Variants in FTSJ3 observed in about 807,000 individuals in gnomAD.
FTSJ3 encodes FtsJ RNA 2'-O-methyltransferase 3, also known as pre-rRNA 2'-O-ribose RNA methyltransferase FTSJ3.
FTSJ3 carries 46 observed loss-of-function variants against 111.5 expected under a neutral mutation model. The ratio of observed to expected loss-of-function variants is 0.41; its 90% CI spans 0.33 to 0.53. The LOEUF (loss-of-function observed/expected upper bound fraction) is 0.53. Ranked by LOEUF, FTSJ3 falls within the 20% of genes least tolerant of loss-of-function variation. The pLI is 0.19. For synonymous variants in FTSJ3, 408 were observed against 383.0 expected (o/e 1.07, Z -0.76); for missense variants, 1,075 against 1,063.8 (o/e 1.01, Z -0.15).
At chr17:63,823,769 A>G (rs2040071545) in intron 13 of FTSJ3, 48 bp downstream of exon 13, 2 of 1,597,374 alleles carry the variant, frequency 1.3e-6, no homozygotes, top group African/African-American at 2.7e-5. Flanking sequence ...CCAAACACCC[A>G]AACAGATCCT....
chr17:63,823,759 C>G, intron 13 of FTSJ3, 58 bp downstream of exon 13: 1 of 1,577,884 alleles, frequency 6.3e-7, no homozygotes, highest in Admixed American at 1.8e-5. Context: ...CCCCCCACCT[C>G]CAAACACCCA....
rs2040054117 is a variant in FTSJ3, at chr17:63,821,760, ACTGCCT to A, written c.1553_1558del (p.Lys518_Val520delinsIle). On this transcript the variant is annotated inframe_deletion, in exon 15 of 21. Transcript: ENST00000427159. ...CAGGTTGGCTTGTTCTTCCTGCAGT[ACTGCCT>A]TTTCCTCCAGTGGTACCAGCAGTGG... The A allele has an allele frequency of 6.2e-7, 1 of 1,613,982 alleles. No homozygotes were observed. The highest frequency in any genetic ancestry group is 1.3e-5 in the African/African-American group (1 of 74,892).
intron 19 of FTSJ3, 34 bp from the exon 20 acceptor site, chr17:63,820,207 A>ACCCCCCCCCCCCCCCCC: frequency 3.2e-6 from 1 of 310,964 alleles, no homozygotes; most frequent in South Asian, 2.9e-5. Context: ...CCTCTTCCCC[A>ACCCCCCCCCCCCCCCCC]TCCCCCCACC....
intron 5 of FTSJ3, 98 bp downstream of exon 5, chr17:63,825,958 C>CTT: frequency 9.9e-7 from 1 of 1,011,960 alleles, no homozygotes; most frequent in South Asian, 1.5e-5. Context: ...CAAGAACGTG[C>CTT]TCAAAGCACG....
chr17:63,820,101 C>CTCGT lies in FTSJ3; in HGVS notation c.2325_2328dup (p.Glu777ThrfsTer63). ...TACCTTCGCAGCTGTGCCACTTTCT[C>CTCGT]TCGTTCTGAGATGTCCACTGTGTTC... On this transcript the variant is annotated frameshift_variant, in exon 20 of 21. Coordinates refer to ENST00000427159, the MANE Select transcript of FTSJ3 (RefSeq NM_017647.4). LOFTEE classifies it high-confidence loss of function. 4 of 1,614,122 alleles carry CTCGT rather than the reference C, an allele frequency of 2.5e-6. No homozygotes were observed. The highest frequency in any genetic ancestry group is 3.4e-6 in the Non-Finnish European group (4 of 1,180,010).
rs1404033034 is a variant in FTSJ3, at chr17:63,819,777, T to G, written c.*25A>C. 6.3e-7 allele frequency: 1 copy of G among 1,594,482 alleles called. No homozygotes were observed. Among genetic ancestry groups the G allele is most frequent in the East Asian group, 2.2e-5 (1 of 44,716 alleles). On this transcript the variant is annotated 3_prime_UTR_variant, in exon 21 of 21. Coordinates refer to ENST00000427159, the MANE Select transcript of FTSJ3 (RefSeq NM_017647.4). ...ACACCCTTCCTCCTAGTCCCCATGC[T>G]CTCCTGGGAGCCTGGCAGCTCTGCT... is the stretch of plus-strand genomic sequence containing the variant.
intron 13 of FTSJ3, among the ~76,000 whole-genome samples, chr17:63,823,325 G>A (rs1252423278): frequency 1.3e-5 from 2 of 152,226 alleles, no homozygotes; most frequent in African/African-American, 4.8e-5. Flanking sequence ...GCCGGGCGCG[G>A]TGGCTCACGC....
At position 63,827,086 on chromosome 17, in the gene FTSJ3, C is replaced by T. The variant is rs942425012; in HGVS notation, c.-61G>A. ...GAGCCGCTTTCTCCACACTTGGAAC[C>T]GCACAAGTATGCAGCTAACTACTTC... On this transcript the variant is annotated 5_prime_UTR_variant, in exon 1 of 21. Coordinates refer to ENST00000427159, the MANE Select transcript of FTSJ3 (RefSeq NM_017647.4). The T allele has an allele frequency of 4.9e-6, 3 of 611,372 alleles. No individual in the cohort carries two copies. Among genetic ancestry groups the T allele is most frequent in the Non-Finnish European group, 5.6e-6 (2 of 355,330 alleles). 37.9% of individuals were successfully genotyped at this position (611,372 alleles called of 1,614,324 possible).
chr17:63,823,952 C>T lies in FTSJ3; in HGVS notation c.1155G>A (p.Arg385=), dbSNP rs904152542. ...GCTCACGCAACAGCTTCTTTTTCTT[C>T]CTGAGGGGGTGGATTGAGGGAGTAA... ...MKAQEVAELK[R]KKKKLLREQR... The change falls in exon 13 of 21, where the codon AGG becomes AGA. Residue 385 remains arginine (R), a splice_region_variant and synonymous_variant. Transcript: ENST00000427159. 6.2e-7 allele frequency: 1 copy of T among 1,614,194 alleles called. No individual in the cohort carries two copies. The highest frequency in any genetic ancestry group is 1.7e-5 in the Admixed American group (1 of 60,022).
chr17:63,827,363 G>T lies in FTSJ3; in HGVS notation c.-338C>A. ...CTCCCATCATGGTTCCCTTAGTGTGGTCTCGCCGCACACCCCGCCCATTGA... is the reference window on the plus strand; with the variant it reads ...CTCCCATCATGGTTCCCTTAGTGTGTTCTCGCCGCACACCCCGCCCATTGA... On this transcript the variant is annotated 5_prime_UTR_variant, in exon 1 of 21. Coordinates refer to ENST00000427159, the MANE Select transcript of FTSJ3 (RefSeq NM_017647.4). 1 of 1,304,638 alleles carries T rather than the reference G, an allele frequency of 7.7e-7. No individual in the cohort carries two copies. Among genetic ancestry groups the T allele is most frequent in the Non-Finnish European group, 1.1e-6 (1 of 930,436 alleles). The allele number at this position is 1,304,638 out of a possible 1,614,324, so 80.8% of individuals were successfully genotyped here.
At chr17:63,826,746 C>CT in intron 2 of FTSJ3, 74 bp from the exon 3 acceptor site, 11 of 1,554,286 alleles carry the variant, frequency 7.1e-6, no homozygotes, top group Non-Finnish European at 9.8e-6. Context: ...ACCACCCCTT[C>CT]TGCAGGAGAG....
intron 5 of FTSJ3, 60 bp downstream of exon 5, chr17:63,825,996 G>A (rs2040097322): frequency 2.1e-6 from 3 of 1,399,542 alleles, no homozygotes; most frequent in Admixed American, 2.0e-5. Flanking sequence ...GCCTTTAGAG[G>A]ATTTCAGGGA....
Position 63,821,458 on chromosome 17 carries a change from T to A in FTSJ3, c.1782A>T (p.Gly594=), listed in dbSNP as rs773677977. ...SPLYQDEAPK[G]TEASSGTEAA... ...CTTCTGTCCCCGAAGAAGCCTCTGT[T>A]CCCTTAGGGGCTTCATCTTGGTACA... Residue 594 remains glycine, a synonymous_variant, in exon 16 of 21, where the codon GGA becomes GGT. Coordinates refer to ENST00000427159, the MANE Select transcript of FTSJ3 (RefSeq NM_017647.4). The A allele has an allele frequency of 6.2e-7, 1 of 1,614,214 alleles. No homozygotes were observed. Among genetic ancestry groups the A allele is most frequent in the Admixed American group, 1.7e-5 (1 of 60,030 alleles).
In FTSJ3 at chr17:63,827,141, G is replaced by C; in HGVS notation, c.-116C>G. ...TCCGCTTGCGTCCCCTGCGTCCCTG[G>C]CTCGAGGTTTTCCGCCATTTTGAGT... On this transcript the variant is annotated 5_prime_UTR_variant, in exon 1 of 21. Transcript: ENST00000427159. 1 of 607,004 alleles carries C rather than the reference G, an allele frequency of 1.6e-6. No homozygotes were observed. The highest frequency in any genetic ancestry group is 2.9e-6 in the Non-Finnish European group (1 of 342,908). The allele number at this position is 607,004 out of a possible 1,614,324, so 37.6% of individuals were successfully genotyped here. A position where few individuals can be genotyped will look rare whatever the true frequency, so the allele number is the denominator to read the frequency against.
chr17:63,822,741 G>C (rs2040062824), intron 13 of FTSJ3, among the ~76,000 whole-genome samples: 1 of 152,202 alleles, frequency 6.6e-6, no homozygotes, highest in Non-Finnish European at 1.5e-5. Context: ...AGTGAGTCAT[G>C]ATGGCACCAC....
chr17:63,824,565 C>A, intron 10 of FTSJ3, 72 bp downstream of exon 10: 1 of 1,440,638 alleles, frequency 6.9e-7, no homozygotes, highest in South Asian at 1.1e-5. Flanking sequence ...ATATCCTCTT[C>A]CCAGAGGTCC....
Position 63,825,343 on chromosome 17 carries a change from T to C in FTSJ3, c.494A>G (p.Gln165Arg), listed in dbSNP as rs1288966738. 1.9e-6 allele frequency: 3 copies of C among 1,614,182 alleles called. No homozygotes were observed. In the South Asian group the frequency reaches 3.3e-5, roughly 18 times the overall value. The change falls in exon 7 of 21, where the codon CAG becomes CGG. Residue 165 changes from glutamine (Q) to arginine (R), a missense_variant. Gln to Arg is a conservative substitution (Grantham distance 43). Transcript: ENST00000427159. The part of the protein sequence containing the change: ...ITKVFRSRDY[Q>R]PLLWIFQQLF... The stretch of plus-strand genomic sequence containing the variant: ...CTGCTGAAAGATCCATAGCAGAGGC[T>C]GATAGTCACGAGAACGGAAAACCTT...
intron 10 of FTSJ3, 76 bp from the exon 11 acceptor site, chr17:63,824,487 C>T: frequency 3.9e-6 from 6 of 1,538,620 alleles, no homozygotes; most frequent in Non-Finnish European, 5.4e-6. Context: ...GGCTCACTAC[C>T]CACCTTTCGG....
chr17:63,820,010 G>A lies in FTSJ3; in HGVS notation c.2352-16C>T. 6.2e-7 allele frequency: 1 copy of A among 1,614,036 alleles called. No homozygotes were observed. The highest frequency in any genetic ancestry group is 1.3e-5 in the African/African-American group (1 of 75,036). On this transcript the variant is annotated splice_polypyrimidine_tract_variant and intron_variant, in intron 20 of 20. Transcript: ENST00000427159. ...CTTGTAGAGACTACAGGGGGGAAGA[G>A]AAGAGGTTAGAGGCTTGCTTTCTGC...
Sources: allele counts gnomAD v4.1 joint callset (sites outside exome capture counted in the v4.1 genomes callset), GRCh38; gene constraint gnomAD v4.1.1; transcripts MANE v1.5; gene names NCBI Gene and HGNC (gene_info 2026-07-23, HGNC 2026-07-21).